The following CDH13 variants were observed in gnomAD, a reference collection of about 807,000 sequenced individuals.
CDH13 encodes cadherin-13.
CDH13 carries 24 observed loss-of-function variants against 63.8 expected under a neutral mutation model. The observed-to-expected ratio is 0.38, with a 90% CI of 0.27 to 0.53. CDH13 has a LOEUF of 0.53. Ranked by LOEUF, CDH13 falls within the 20% of genes least tolerant of loss-of-function variation. CDH13 has a pLI of 0.85. For missense variants in CDH13, 1,049 were observed against 903.1 expected, an observed-to-expected ratio of 1.16 and a Z score of -2.07; for synonymous variants, 503 against 355.3, an observed-to-expected ratio of 1.42 and a Z score of -4.67.
chr16:82,799,735 T>C (rs1005303041), intron 1 of CDH13, among the ~76,000 whole-genome samples: 3 of 152,196 alleles, frequency 2.0e-5, no homozygotes, highest in South Asian at 2.1e-4. Context: ...GAAAAAAATA[T>C]ATTTGTGCTT....
intron 10 of CDH13, among the ~76,000 whole-genome samples, chr16:83,724,968 C>G (rs894458347): frequency 6.6e-6 from 1 of 152,178 alleles, no homozygotes; most frequent in Non-Finnish European, 1.5e-5. Flanking sequence ...AAATTAAGCC[C>G]TGATTCACAG....
chr16:83,128,593 C>G (rs114815265), intron 4 of CDH13, among the ~76,000 whole-genome samples: 1 of 152,228 alleles, frequency 6.6e-6, no homozygotes, highest in African/African-American at 2.4e-5. Context: ...TCGTCCAAAT[C>G]TGTCATGTCC....
At chr16:83,513,922 A>G (rs12449180) in intron 7 of CDH13, among the ~76,000 whole-genome samples, 31,513 of 152,144 alleles carry the variant, frequency 0.21, 3,669 homozygotes, top group Admixed American at 0.28. Context: ...GAATGAAGGA[A>G]AAAAAGTAAG....
At chr16:82,733,237 C>T (rs967791315) in intron 1 of CDH13, among the ~76,000 whole-genome samples, 1 of 152,134 alleles carries the variant, frequency 6.6e-6, no homozygotes, top group Admixed American at 6.5e-5. Context: ...TTTCACTGGT[C>T]CTCCCCATTG....
At chr16:82,936,540 T>C (rs1231222578) in intron 2 of CDH13, among the ~76,000 whole-genome samples, 3 of 152,166 alleles carry the variant, frequency 2.0e-5, no homozygotes, top group Non-Finnish European at 4.4e-5. Flanking sequence ...GTTGGAAGAC[T>C]GCTGATCTAT....
At chr16:82,984,726 G>C (rs527965515) in intron 2 of CDH13, among the ~76,000 whole-genome samples, 7 of 152,248 alleles carry the variant, frequency 4.6e-5, no homozygotes, top group African/African-American at 1.7e-4. Flanking sequence ...AACTAAACGG[G>C]ATACAGCTGA....
chr16:83,335,306 C>A (rs2090569391), intron 5 of CDH13, among the ~76,000 whole-genome samples: 1 of 152,166 alleles, frequency 6.6e-6, no homozygotes, highest in African/African-American at 2.4e-5. Context: ...GTACCCTTAA[C>A]AATTACCGGC....
At chr16:83,696,825 A>G (rs990035288) in intron 10 of CDH13, among the ~76,000 whole-genome samples, 2 of 152,144 alleles carry the variant, frequency 1.3e-5, no homozygotes, top group Admixed American at 6.5e-5. Context: ...CACCATCCAC[A>G]TCGCGGTGAT....
chr16:82,945,738 A>G (rs546817583), intron 2 of CDH13, among the ~76,000 whole-genome samples: 1 of 152,292 alleles, frequency 6.6e-6, no homozygotes, highest in Admixed American at 6.5e-5. Flanking sequence ...TGAATATTTA[A>G]AGGGTATTGA....
chr16:83,656,348 G>T (rs778640886), intron 8 of CDH13, among the ~76,000 whole-genome samples: 2 of 152,176 alleles, frequency 1.3e-5, no homozygotes, highest in African/African-American at 2.4e-5. Flanking sequence ...GTGGAGTCGG[G>T]AGGTGGAAAG....
chr16:83,559,439 C>T (rs7184642), intron 7 of CDH13, among the ~76,000 whole-genome samples: 116,604 of 151,896 alleles, frequency 0.77, 44,704 homozygotes, highest in Middle Eastern at 0.85. Flanking sequence ...GGCATGGTGG[C>T]GTGTACCTAT....
At position 83,453,291 on chromosome 16, in the gene CDH13, C is replaced by T. The variant is rs184780618; in HGVS notation, c.782-33186C>T. Among the ~76,000 whole-genome samples, 1,048 of 151,990 alleles carry T rather than the reference C, an allele frequency of 6.9e-3. 8 individuals are homozygous for T. The highest frequency in any genetic ancestry group is 0.01 in the Non-Finnish European group (693 of 67,994). ...GTACACTGCTCAGGTGATGGATGCA[C>T]CAAAATCTCACAAATTACCACTAAA... is the stretch of plus-strand genomic sequence containing the variant. On this transcript the variant is annotated intron_variant, in intron 6 of 13. Coordinates refer to ENST00000567109, the MANE Select transcript of CDH13 (RefSeq NM_001257.5).
At chr16:83,458,918 C>G (rs537339299) in intron 6 of CDH13, among the ~76,000 whole-genome samples, 17 of 152,192 alleles carry the variant, frequency 1.1e-4, no homozygotes, top group Non-Finnish European at 1.9e-4. Context: ...TAGATATTGT[C>G]AAGAGAAGGG....
intron 3 of CDH13, among the ~76,000 whole-genome samples, chr16:83,044,023 C>T (rs1274773307): frequency 6.6e-6 from 1 of 152,126 alleles, no homozygotes; most frequent in Non-Finnish European, 1.5e-5. Context: ...CTCTACAGTT[C>T]TACAGGAATA....
At chr16:83,455,576 T>C (rs1175645473) in intron 6 of CDH13, among the ~76,000 whole-genome samples, 2 of 152,192 alleles carry the variant, frequency 1.3e-5, no homozygotes, top group African/African-American at 4.8e-5. Context: ...CGTGGCTCCT[T>C]CTTGTGCTCT....
chr16:83,547,047 T>C (rs1442206236), intron 7 of CDH13, among the ~76,000 whole-genome samples: 1 of 152,152 alleles, frequency 6.6e-6, no homozygotes. Flanking sequence ...GTCATCTCCA[T>C]GTGTTCACTT....
Position 83,594,285 on chromosome 16 carries a change from C to T in CDH13, c.961-8169C>T, listed in dbSNP as rs552427421. The stretch of plus-strand genomic sequence containing the variant: ...GCCAAGCTCTGTATTCAGCACTTTA[C>T]CTCTTTTAATTCTCACGTATCCTAT... On this transcript the variant is annotated intron_variant, in intron 7 of 13. Coordinates refer to ENST00000567109, the MANE Select transcript of CDH13 (RefSeq NM_001257.5). Among the ~76,000 whole-genome samples, 26 of 152,328 alleles carry T rather than the reference C, an allele frequency of 1.7e-4. No individual in the cohort carries two copies. In the South Asian group the frequency reaches 3.9e-3, roughly 23 times the overall value.
chr16:83,039,981 C>G (rs145205043), intron 3 of CDH13, among the ~76,000 whole-genome samples: 1 of 151,822 alleles, frequency 6.6e-6, no homozygotes, highest in South Asian at 2.1e-4. Context: ...CCTGTAGACA[C>G]CTGCCTGGCT....
At chr16:83,746,207 G>A (rs149263221) in intron 10 of CDH13, among the ~76,000 whole-genome samples, 131 of 152,296 alleles carry the variant, frequency 8.6e-4, no homozygotes, top group African/African-American at 2.9e-3. Flanking sequence ...AAACCAAGAC[G>A]TTGGCAGGGC....
Sources: allele counts gnomAD v4.1 joint callset (sites outside exome capture counted in the v4.1 genomes callset), GRCh38; gene constraint gnomAD v4.1.1; transcripts MANE v1.5; gene names NCBI Gene and HGNC (gene_info 2026-07-23, HGNC 2026-07-21).